The following SHISA9 variants were observed in gnomAD, a reference collection of about 807,000 sequenced individuals.
SHISA9 encodes the protein protein shisa-9.
Under a neutral mutation model 38.0 loss-of-function variants are expected in SHISA9, and 13 were observed. The observed-to-expected ratio is 0.34, with a 90% CI of 0.22 to 0.54. SHISA9 has a LOEUF of 0.54. SHISA9 is among the 20% of genes least tolerant of loss of function. The pLI is 0.91. For synonymous variants in SHISA9, 275 were observed against 242.0 expected (o/e 1.14, Z -1.27); for missense variants, 538 against 575.8 (o/e 0.93, Z 0.67).
chr16:12,974,957 C>T (rs1345020356), intron 2 of SHISA9, among the ~76,000 whole-genome samples: 1 of 152,092 alleles, frequency 6.6e-6, no homozygotes, highest in Admixed American at 6.5e-5. Flanking sequence ...TTCAGGGTTG[C>T]TATGGAGCCA....
chr16:13,344,221 C>T, the SHISA9 span, among the ~76,000 whole-genome samples: 4 of 152,206 alleles, frequency 2.6e-5, no homozygotes, highest in African/African-American at 9.6e-5. Flanking sequence ...TTTTCTTACT[C>T]ACTGACTTTG....
intron 2 of SHISA9, among the ~76,000 whole-genome samples, chr16:13,037,079 CA>C: frequency 1.0e-5 from 1 of 99,764 alleles, no homozygotes; most frequent in African/African-American, 3.3e-5. Flanking sequence ...CACACACACA[CA>C]CACCACACCA....
chr16:13,262,333 C>T, the SHISA9 span, among the ~76,000 whole-genome samples: 1 of 152,202 alleles, frequency 6.6e-6, no homozygotes. Flanking sequence ...ATCCTTAACA[C>T]TCTAAATTCT....
Position 12,902,109 on chromosome 16 carries a change from G to A in SHISA9, c.45G>A (p.Glu15=), listed in dbSNP as rs1021199892. 1.3e-6 allele frequency: 2 copies of A among 1,499,620 alleles called. No homozygotes were observed. Among genetic ancestry groups the A allele is most frequent in the Non-Finnish European group, 1.8e-6 (2 of 1,132,946 alleles). 92.9% of individuals were successfully genotyped at this position (1,499,620 alleles called of 1,614,324 possible). Residue 15 remains glutamate, a synonymous_variant, in exon 1 of 5, where the codon GAG becomes GAA. Coordinates refer to ENST00000558583, the MANE Select transcript of SHISA9 (RefSeq NM_001145204.3). ...LRLLLGCFLT[E]LCARVCRAQE... ...TGCTCCTCGGTTGCTTCCTCACCGA[G>A]CTGTGCGCCCGCGTGTGCCGGGCGC...
chr16:13,260,290 A>G, the SHISA9 span, among the ~76,000 whole-genome samples: 1,392 of 152,072 alleles, frequency 9.2e-3, 20 homozygotes, highest in African/African-American at 0.032. Context: ...TGCTGGGATT[A>G]CAGGCATGAG....
At chr16:13,120,885 A>G (rs963149022) in intron 2 of SHISA9, among the ~76,000 whole-genome samples, 16 of 152,130 alleles carry the variant, frequency 1.1e-4, no homozygotes, top group Non-Finnish European at 1.6e-4. Context: ...ACAGGTGGTC[A>G]GGGGGATTAA....
chr16:13,122,984 T>A (rs1031572584), intron 2 of SHISA9, among the ~76,000 whole-genome samples: 1 of 151,548 alleles, frequency 6.6e-6, no homozygotes, highest in African/African-American at 2.4e-5. Context: ...GAAGCGGAGG[T>A]TGCAGTGAGC....
intron 2 of SHISA9, among the ~76,000 whole-genome samples, chr16:13,148,689 G>GCACACACACACA (rs3075124): frequency 3.8e-4 from 51 of 132,540 alleles, no homozygotes; most frequent in African/African-American, 1.5e-3. Flanking sequence ...ACATACACAA[G>GCACACACACACA]CACACACACA....
the SHISA9 span, among the ~76,000 whole-genome samples, chr16:13,432,650 A>G: frequency 2.0e-5 from 3 of 152,132 alleles, no homozygotes; most frequent in Non-Finnish European, 1.5e-5. Flanking sequence ...TGGACCTACT[A>G]TGTTCAAAGC....
the SHISA9 span, among the ~76,000 whole-genome samples, chr16:13,394,504 G>A: frequency 5.0e-4 from 76 of 152,170 alleles, no homozygotes; most frequent in African/African-American, 1.8e-3. Context: ...GATGTTCTAT[G>A]TTCTCTCTCA....
At chr16:13,344,782 TA>T in the SHISA9 span, among the ~76,000 whole-genome samples, 1 of 152,142 alleles carries the variant, frequency 6.6e-6, no homozygotes, top group Non-Finnish European at 1.5e-5. Context: ...TCACAACCAG[TA>T]AATGACAGAG....
the SHISA9 span, among the ~76,000 whole-genome samples, chr16:13,556,610 C>A: frequency 1.6e-3 from 236 of 152,046 alleles, no homozygotes; most frequent in African/African-American, 5.3e-3. Context: ...TTGCAGTGAG[C>A]CTAGATCGCG....
At chr16:13,268,568 A>G in the SHISA9 span, among the ~76,000 whole-genome samples, 1 of 152,174 alleles carries the variant, frequency 6.6e-6, no homozygotes, top group Non-Finnish European at 1.5e-5. Flanking sequence ...TACAAGACTT[A>G]GCAGCACATA....
intron 3 of SHISA9, among the ~76,000 whole-genome samples, chr16:13,207,469 A>T (rs910041088): frequency 7.8e-6 from 1 of 128,780 alleles, no homozygotes; most frequent in African/African-American, 3.0e-5. Flanking sequence ...TTTGACAAGA[A>T]TAAAAAAAAA....
chr16:12,908,052 C>G (rs982363560), intron 1 of SHISA9, among the ~76,000 whole-genome samples: 2 of 152,242 alleles, frequency 1.3e-5, no homozygotes, highest in Admixed American at 1.3e-4. Context: ...CTTCACCTCT[C>G]TGAGTCTCAG....
chr16:13,482,083 G>A, the SHISA9 span, among the ~76,000 whole-genome samples: 1 of 152,164 alleles, frequency 6.6e-6, no homozygotes, highest in Admixed American at 6.5e-5. Flanking sequence ...TCCCTGCCCT[G>A]GTGCTGGAAT....
chr16:13,481,553 G>T, the SHISA9 span, among the ~76,000 whole-genome samples: 10 of 152,158 alleles, frequency 6.6e-5, no homozygotes, highest in Non-Finnish European at 1.5e-4. Flanking sequence ...ACATTCACAC[G>T]CTGTTTTGTA....
intron 2 of SHISA9, among the ~76,000 whole-genome samples, chr16:12,957,254 G>A (rs2071849006): frequency 6.6e-6 from 1 of 152,158 alleles, no homozygotes; most frequent in African/African-American, 2.4e-5. Flanking sequence ...ACAAGCATAG[G>A]GCTTGGAAAC....
chr16:13,519,402 A>G, the SHISA9 span, among the ~76,000 whole-genome samples: 16 of 152,222 alleles, frequency 1.1e-4, no homozygotes, highest in African/African-American at 3.9e-4. Flanking sequence ...TCACAGCTCA[A>G]CGGGTGATGG....
Sources: gnomAD v4.1 joint callset for allele counts (sites outside exome capture counted in the v4.1 genomes callset) on GRCh38, gnomAD v4.1.1 for gene constraint, MANE v1.5 for transcripts, NCBI Gene and HGNC (gene_info 2026-07-23, HGNC 2026-07-21) for gene names.